CCNJL: variants seen among roughly 807,000 people sequenced by gnomAD.
CCNJL encodes the protein cyclin-J-like protein.
CCNJL carries 33 observed loss-of-function variants against 33.4 expected under a neutral mutation model. That is an observed-to-expected ratio of 0.99 (90% CI 0.75 to 1.32). The LOEUF (loss-of-function observed/expected upper bound fraction) is 1.32. CCNJL is among the 40% of genes most tolerant of loss of function. CCNJL has a pLI of 0.00. For synonymous variants in CCNJL, 227 were observed against 220.9 expected, an observed-to-expected ratio of 1.03 and a Z score of -0.24; for missense variants, 512 against 499.7, an observed-to-expected ratio of 1.02 and a Z score of -0.23.
intron 1 of CCNJL, among the ~76,000 whole-genome samples, chr5:160,330,728 G>GA (rs1763596731): frequency 6.6e-6 from 1 of 151,330 alleles, no homozygotes; most frequent in Non-Finnish European, 1.5e-5. Flanking sequence ...CAGTGGTGCG[G>GA]TCTCGGCTAA....
intron 3 of CCNJL, among the ~76,000 whole-genome samples, chr5:160,277,733 C>A (rs908703470): frequency 6.7e-6 from 1 of 149,380 alleles, no homozygotes; most frequent in African/African-American, 2.5e-5. Flanking sequence ...ATCTCTGCTT[C>A]CTGTCTATCT....
Position 160,254,893 on chromosome 5 carries a change from G to C in CCNJL, c.743+656C>G, listed in dbSNP as rs1397065705. The C allele has an allele frequency of 2.6e-5, 4 of 152,594 alleles. No homozygotes were observed. In the East Asian group the frequency reaches 7.7e-4, roughly 29 times the overall value. 9.5% of individuals were successfully genotyped at this position (152,594 alleles called of 1,614,324 possible). ...AGAGGTCAGCTTTGTGACCATGTCT[G>C]AGAAAAGTAGCTTATAATGGAAGTC... On this transcript the variant is annotated intron_variant, in intron 5 of 5. Transcript: ENST00000257536.
Position 160,254,633 on chromosome 5 carries a change from G to A in CCNJL, c.744-835C>T, listed in dbSNP as rs138719935. The A allele has an allele frequency of 4.5e-3, 1,349 of 301,908 alleles. 5 individuals carry two copies. Among genetic ancestry groups the A allele is most frequent in the Admixed American group, 5.5e-3 (107 of 19,570 alleles). 18.7% of individuals were successfully genotyped at this position (301,908 alleles called of 1,614,324 possible). A position where few individuals can be genotyped will look rare whatever the true frequency, so the allele number is the denominator to read the frequency against. On this transcript the variant is annotated intron_variant, in intron 5 of 5. Transcript: ENST00000257536. ...TCAGTCAGGCCAGCACCCAGGATAC[G>A]CAGTGCCTGGCAGGTGGAAGGGGAA... is the stretch of plus-strand genomic sequence containing the variant.
At position 160,328,588 on chromosome 5, in the gene CCNJL, C is replaced by G. The variant is rs373503651; in HGVS notation, n.206+10857G>C. Among the ~76,000 whole-genome samples the G allele has an allele frequency of 2.7e-5, 4 of 147,248 alleles. No individual in the cohort carries two copies. The East Asian group carries it at 5.9e-4, about 22-fold the overall frequency. ...CCTGGGCAACACAGCAAGATACTGT[C>G]TCTTAAAAAAAAAAAAAGACTGGGC... On this transcript the variant is annotated intron_variant and non_coding_transcript_variant, in intron 1 of 7. Transcript: ENST00000377503.
chr5:160,280,435 G>A (rs1314013026), intron 3 of CCNJL, 90 bp downstream of exon 3: 29 of 1,058,236 alleles, frequency 2.7e-5, no homozygotes, highest in Non-Finnish European at 3.5e-5. Context: ...TGCAAAGATC[G>A]TCAAAATGTA....
At chr5:160,300,905 A>G (rs1276552113) in intron 2 of CCNJL, among the ~76,000 whole-genome samples, 3 of 152,174 alleles carry the variant, frequency 2.0e-5, no homozygotes, top group Non-Finnish European at 4.4e-5. Context: ...GGTAATATCC[A>G]GGGTTAGCAA....
intron 2 of CCNJL, among the ~76,000 whole-genome samples, chr5:160,286,454 A>G (rs11949764): frequency 0.16 from 24,038 of 152,086 alleles, 2,809 homozygotes; most frequent in African/African-American, 0.33. Context: ...CCTGGTCGTC[A>G]TGGCAAAACC....
chr5:160,291,412 C>T (rs939018040), intron 2 of CCNJL, among the ~76,000 whole-genome samples: 4 of 152,158 alleles, frequency 2.6e-5, no homozygotes, highest in African/African-American at 9.7e-5. Context: ...TATATTAGCC[C>T]AGTAGAGGCC....
At chr5:160,266,012 T>C (rs1335850310) in intron 3 of CCNJL, among the ~76,000 whole-genome samples, 1 of 152,220 alleles carries the variant, frequency 6.6e-6, no homozygotes, top group African/African-American at 2.4e-5. Context: ...TGAGATCCCA[T>C]AGCTATCCCC....
At chr5:160,317,383 C>A (rs1391070253), upstream of CCNJL, among the ~76,000 whole-genome samples, 2 of 152,232 alleles carry the variant, frequency 1.3e-5, no homozygotes, top group East Asian at 3.8e-4. Context: ...ACCTCCCTCT[C>A]ACGCAGGGCC....
At chr5:160,322,356 T>A (rs1056599748) in intron 1 of CCNJL, among the ~76,000 whole-genome samples, 1 of 152,170 alleles carries the variant, frequency 6.6e-6, no homozygotes, top group African/African-American at 2.4e-5. Flanking sequence ...GCTTTGATTT[T>A]TTTCTAGTTA....
Position 160,303,165 on chromosome 5 carries a change from G to C in CCNJL, c.66+8693C>G, listed in dbSNP as rs1762977563. Among the ~76,000 whole-genome samples the C allele has an allele frequency of 1.3e-5, 2 of 152,172 alleles. 1 individual carries two copies. Among genetic ancestry groups the C allele is most frequent in the African/African-American group, 4.8e-5 (2 of 41,454 alleles). ...GAATGATATGGAAAAATGTATATGG[G>C]AAATAGATAAAGTGTTTTACGACAA... On this transcript the variant is annotated intron_variant, in intron 2 of 5. Transcript: ENST00000257536.
chr5:160,276,075 A>C (rs1761997616), intron 3 of CCNJL, among the ~76,000 whole-genome samples: 2 of 152,206 alleles, frequency 1.3e-5, no homozygotes, highest in Non-Finnish European at 2.9e-5. Flanking sequence ...ACTGTGGGAT[A>C]TACAATGGAA....
At chr5:160,296,451 T>C (rs1168598464) in intron 2 of CCNJL, among the ~76,000 whole-genome samples, 1 of 152,258 alleles carries the variant, frequency 6.6e-6, no homozygotes, top group Non-Finnish European at 1.5e-5. Flanking sequence ...CTGGTCCTTT[T>C]GACCCTATTG....
intron 2 of CCNJL, among the ~76,000 whole-genome samples, chr5:160,286,103 C>T: frequency 6.6e-6 from 1 of 152,178 alleles, no homozygotes; most frequent in East Asian, 1.9e-4. Context: ...GCCAAGTGAC[C>T]TTTGGCCGGG....
chr5:160,313,748 C>T (rs762342334), upstream of CCNJL, among the ~76,000 whole-genome samples: 13 of 152,304 alleles, frequency 8.5e-5, 1 homozygote, highest in Admixed American at 5.2e-4. Context: ...CAACTTAACC[C>T]AAATTACTCT....
upstream of CCNJL, among the ~76,000 whole-genome samples, chr5:160,315,920 A>C (rs1763375320): frequency 6.6e-6 from 1 of 152,126 alleles, no homozygotes; most frequent in African/African-American, 2.4e-5. Flanking sequence ...GGCCTTTATT[A>C]TTCACTAATA....
At chr5:160,295,911 G>T (rs978529731) in intron 2 of CCNJL, among the ~76,000 whole-genome samples, 2 of 152,144 alleles carry the variant, frequency 1.3e-5, no homozygotes, top group African/African-American at 4.8e-5. Context: ...TCTATTTCCT[G>T]TCTCACCGAA....
At chr5:160,308,515 T>A (rs1763163122) in intron 2 of CCNJL, among the ~76,000 whole-genome samples, 1 of 152,198 alleles carries the variant, frequency 6.6e-6, no homozygotes, top group African/African-American at 2.4e-5. Context: ...CCCAGGACTT[T>A]GGGAGGCCGA....
Sources: allele counts gnomAD v4.1 joint callset (sites outside exome capture counted in the v4.1 genomes callset), GRCh38; gene constraint gnomAD v4.1.1; transcripts MANE v1.5; gene names NCBI Gene and HGNC (gene_info 2026-07-23, HGNC 2026-07-21).